The following EPS8 variants were observed in gnomAD, a reference collection of about 807,000 sequenced individuals.
EPS8 encodes epidermal growth factor receptor kinase substrate 8.
Under a neutral mutation model 103.8 loss-of-function variants are expected in EPS8, and 42 were observed. That is an observed-to-expected ratio of 0.40 (90% CI 0.32 to 0.52). The LOEUF is 0.52. EPS8 is among the 20% of genes least tolerant of loss of function. EPS8 has a pLI of 0.40. For missense variants in EPS8, 969 were observed against 1,005.1 expected, an observed-to-expected ratio of 0.96 and a Z score of 0.49; for synonymous variants, 344 against 344.6, an observed-to-expected ratio of 1.00 and a Z score of 0.02.
At position 15,761,376 on chromosome 12, in the gene EPS8, T is replaced by G. The variant is rs1017579025; in HGVS notation, c.-22+27785A>C. On this transcript the variant is annotated intron_variant, in intron 1 of 20. Transcript: ENST00000281172. This position sits in a 1 kb window ranked among gnomAD's most constrained non-coding sequence, Gnocchi z 4.5. The stretch of plus-strand genomic sequence containing the variant: ...CATACTTCCCAAAGCAATCTACAGA[T>G]TCAATGAAATCCCTGTCAAAATATC... Among the ~76,000 whole-genome samples the G allele has an allele frequency of 6.6e-6, 1 of 152,108 alleles. No homozygotes were observed. The highest frequency in any genetic ancestry group is 6.6e-5 in the Admixed American group (1 of 15,256).
chr12:15,716,860 T>C lies in EPS8; in HGVS notation c.-21-33888A>G, dbSNP rs1459209583. Reference sequence around the variant, plus strand: ...AGCAAAATTTCACTTTCAGTTCCTGTACTGTTCAACCCCAATTCCTCATCG... The same window carrying C: ...AGCAAAATTTCACTTTCAGTTCCTGCACTGTTCAACCCCAATTCCTCATCG... On this transcript the variant is annotated intron_variant, in intron 1 of 20. Coordinates refer to ENST00000281172, the MANE Select transcript of EPS8 (RefSeq NM_004447.6). The surrounding 1 kb of genome is among the most constrained non-coding windows in gnomAD (Gnocchi z 5.0). 6.6e-6 allele frequency among the ~76,000 whole-genome samples: 1 copy of C among 152,234 alleles called. No individual in the cohort carries two copies. Among genetic ancestry groups the C allele is most frequent in the Non-Finnish European group, 1.5e-5 (1 of 68,048 alleles).
In EPS8 at chr12:15,784,706, G is replaced by A. The variant is rs553079457; in HGVS notation, c.-22+4455C>T. On this transcript the variant is annotated intron_variant, in intron 1 of 20. Transcript: ENST00000281172. This position sits in a 1 kb window ranked among gnomAD's most constrained non-coding sequence, Gnocchi z 4.0. ...GCATGTGAATATTCATAGCAGCTTC[G>A]TTCATACTTGCCAAAAACTGGAAGC... 6.6e-6 allele frequency among the ~76,000 whole-genome samples: 1 copy of A among 152,160 alleles called. No individual in the cohort carries two copies. The highest frequency in any genetic ancestry group is 2.1e-4 in the South Asian group (1 of 4,832).
intron 1 of EPS8, chr12:15,712,896 A>C (rs1474617666): frequency 1.0e-6 from 1 of 985,220 alleles, no homozygotes; most frequent in African/African-American, 1.7e-5. Flanking sequence ...CGTCCAGGCA[A>C]TATTGAGAGG....
Position 15,621,377 on chromosome 12 carries a change from T to A in EPS8, c.2409A>T (p.Lys803Asn), listed in dbSNP as rs1162132974. The A allele has an allele frequency of 6.2e-7, 1 of 1,605,356 alleles. No homozygotes were observed. The highest frequency in any genetic ancestry group is 8.5e-7 in the Non-Finnish European group (1 of 1,176,900). ...LQEIMRRRQE[K>N]ISAAASDSGV... ...CTGAATCACTAGCGGCAGCACTGAT[T>A]TTTTCCTGTCGTCTTCTCATAATTT... The change falls in exon 21 of 21, where the codon AAA becomes AAT. Residue 803 changes from lysine to asparagine, a missense_variant. Lys to Asn is a moderately conservative substitution (Grantham distance 94). Transcript: ENST00000281172.
At position 15,748,112 on chromosome 12, in the gene EPS8, C is replaced by G. The variant is rs1946894509; in HGVS notation, c.-22+41049G>C. On this transcript the variant is annotated intron_variant, in intron 1 of 20. Coordinates refer to ENST00000281172, the MANE Select transcript of EPS8 (RefSeq NM_004447.6). The surrounding 1 kb of genome is among the most constrained non-coding windows in gnomAD (Gnocchi z 4.8). The stretch of plus-strand genomic sequence containing the variant: ...GCTATCAAAAGGTCTGTGCCAAGCC[C>G]CGCAACTTAATAACCCACAGTCAAA... 6.6e-6 allele frequency among the ~76,000 whole-genome samples: 1 copy of G among 152,050 alleles called. No homozygotes were observed. Among genetic ancestry groups the G allele is most frequent in the Admixed American group, 6.6e-5 (1 of 15,248 alleles).
intron 12 of EPS8, 49 bp from the exon 13 acceptor site, chr12:15,654,342 A>ATT (rs770446324): frequency 1.3e-6 from 2 of 1,566,180 alleles, no homozygotes; most frequent in African/African-American, 2.7e-5. Context: ...TTCTTTGTGT[A>ATT]TTTTCAAAAT....
intron 18 of EPS8, among the ~76,000 whole-genome samples, chr12:15,625,291 C>A (rs2135714323): frequency 6.6e-6 from 1 of 152,304 alleles, no homozygotes; most frequent in East Asian, 1.9e-4. Context: ...TCTGCCTATT[C>A]AAATACTGAG....
chr12:15,646,519 A>G (rs4764217), intron 15 of EPS8, among the ~76,000 whole-genome samples: 1 of 152,176 alleles, frequency 6.6e-6, no homozygotes, highest in Non-Finnish European at 1.5e-5. Context: ...TTAAAAAAAA[A>G]GAACTTATTC....
chr12:15,670,762 T>C (rs1945800630), intron 4 of EPS8, 94 bp downstream of exon 4: 3 of 862,722 alleles, frequency 3.5e-6, no homozygotes, highest in Middle Eastern at 2.3e-4. Context: ...AAATACATCA[T>C]AAGAATGAAA....
At position 15,714,582 on chromosome 12, in the gene EPS8, G is replaced by A. The variant is rs1946508000; in HGVS notation, c.-21-31610C>T. Among the ~76,000 whole-genome samples, 1 of 152,164 alleles carries A rather than the reference G, an allele frequency of 6.6e-6. No homozygotes were observed. Among genetic ancestry groups the A allele is most frequent in the Non-Finnish European group, 1.5e-5 (1 of 68,030 alleles). On this transcript the variant is annotated intron_variant, in intron 1 of 20. Coordinates refer to ENST00000281172, the MANE Select transcript of EPS8 (RefSeq NM_004447.6). This position sits in a 1 kb window ranked among gnomAD's most constrained non-coding sequence, Gnocchi z 4.1. ...GCTTGAGCCCAGGAGTTTGAGCCCA[G>A]GAGTGAGCTATGATCACGCCACTGT...
intron 1 of EPS8, among the ~76,000 whole-genome samples, chr12:15,739,015 T>C (rs1946793487): frequency 6.6e-6 from 1 of 152,216 alleles, no homozygotes; most frequent in Admixed American, 6.5e-5. Context: ...ACTACATCCC[T>C]GGGTTACTAT....
intron 11 of EPS8, 104 bp from the exon 12 acceptor site, chr12:15,658,257 G>C (rs1348322426): frequency 1.1e-5 from 8 of 752,804 alleles, no homozygotes; most frequent in Non-Finnish European, 1.8e-5. Flanking sequence ...ACCAGATTCA[G>C]TTTTAATATA....
intron 1 of EPS8, among the ~76,000 whole-genome samples, chr12:15,774,735 G>T (rs1947190926): frequency 6.7e-6 from 1 of 148,398 alleles, no homozygotes; most frequent in Admixed American, 6.8e-5. Context: ...AAAATATTTG[G>T]TCCAAATTAC....
chr12:15,662,509 C>T (rs1182414385), intron 8 of EPS8: 3 of 989,176 alleles, frequency 3.0e-6, no homozygotes, highest in South Asian at 4.7e-5. Context: ...AATTTTTATA[C>T]ATTCCAACAC....
intron 1 of EPS8, among the ~76,000 whole-genome samples, chr12:15,720,283 T>C (rs1269674900): frequency 6.6e-6 from 1 of 152,194 alleles, no homozygotes; most frequent in Non-Finnish European, 1.5e-5. Context: ...TCCCCCTTGC[T>C]AGATAACACT....
intron 2 of EPS8, among the ~76,000 whole-genome samples, 198 bp from the exon 3 acceptor site, chr12:15,681,500 G>T (rs1946006211): frequency 6.6e-6 from 1 of 151,740 alleles, no homozygotes; most frequent in Non-Finnish European, 1.5e-5. Context: ...GGAGGCCGAG[G>T]TGGGCACATC....
At position 15,631,675 on chromosome 12, in the gene EPS8, A is replaced by G; in HGVS notation, c.1822-11T>C. 1 of 1,586,928 alleles carries G rather than the reference A, an allele frequency of 6.3e-7. No homozygotes were observed. Among genetic ancestry groups the G allele is most frequent in the Non-Finnish European group, 8.6e-7 (1 of 1,164,982 alleles). ...CTCCATCCTTTGTTTCTATAAAAAG[A>G]CAAATAATTAACTTAAAATTTAAAA... On this transcript the variant is annotated splice_polypyrimidine_tract_variant and intron_variant, in intron 17 of 20. Transcript: ENST00000281172.
intron 3 of EPS8, among the ~76,000 whole-genome samples, chr12:15,679,869 G>A (rs1188565166): frequency 6.6e-6 from 1 of 152,138 alleles, no homozygotes; most frequent in Admixed American, 6.5e-5. Flanking sequence ...ATAAATATCT[G>A]TCTAGAAATG....
chr12:15,773,053 C>T (rs1591934181), intron 1 of EPS8, among the ~76,000 whole-genome samples: 1 of 152,012 alleles, frequency 6.6e-6, no homozygotes, highest in Non-Finnish European at 1.5e-5. Flanking sequence ...GAAGAGGAAA[C>T]CATAGACATT....
Sources: gnomAD v4.1 joint callset for allele counts (sites outside exome capture counted in the v4.1 genomes callset) on GRCh38, gnomAD v4.1.1 for gene constraint, Gnocchi (gnomAD v3.1) non-coding constraint, MANE v1.5 for transcripts, NCBI Gene and HGNC (gene_info 2026-07-23, HGNC 2026-07-21) for gene names.